OSBP2: variants seen among roughly 807,000 people sequenced by gnomAD.
OSBP2 encodes oxysterol-binding protein 2.
A neutral mutation model predicts 96.0 loss-of-function variants in OSBP2; 66 were observed. The observed-to-expected ratio is 0.69, with a 90% CI of 0.56 to 0.84. The LOEUF is 0.84. Ranked by LOEUF, OSBP2 falls within the 40% of genes least tolerant of loss-of-function variation. The pLI, the probability that OSBP2 is intolerant of heterozygous loss-of-function variation, is 0.00. For synonymous variants in OSBP2, 525 were observed against 520.9 expected, an observed-to-expected ratio of 1.01 and a Z score of -0.11; for missense variants, 1,038 against 1,222.7, an observed-to-expected ratio of 0.85 and a Z score of 2.25.
intron 1 of OSBP2, among the ~76,000 whole-genome samples, chr22:30,700,098 G>A (rs2089132560): frequency 6.6e-6 from 1 of 151,844 alleles, no homozygotes; most frequent in Non-Finnish European, 1.5e-5. Flanking sequence ...GAGTAGCTGG[G>A]ATTACAGAGG....
chr22:30,803,098 G>GGCGGCAGCA (rs1018258896), intron 2 of OSBP2: 8 of 210,742 alleles, frequency 3.8e-5, no homozygotes, highest in Non-Finnish European at 5.6e-5. Flanking sequence ...CGGCGGCGGC[G>GGCGGCAGCA]GCGGCAGCAG....
intron 2 of OSBP2, among the ~76,000 whole-genome samples, chr22:30,857,709 C>T (rs1450116180): frequency 1.3e-5 from 2 of 152,198 alleles, no homozygotes; most frequent in East Asian, 1.9e-4. Flanking sequence ...TAAGATGTTA[C>T]GTAATGACTG....
At chr22:30,800,705 T>A (rs2090839022) in intron 2 of OSBP2, among the ~76,000 whole-genome samples, 1 of 152,162 alleles carries the variant, frequency 6.6e-6, no homozygotes, top group African/African-American at 2.4e-5. Context: ...TCTTCCGGCC[T>A]TTGTGTGTGA....
At chr22:30,803,925 G>A (rs920203221) in intron 2 of OSBP2, among the ~76,000 whole-genome samples, 3 of 152,188 alleles carry the variant, frequency 2.0e-5, no homozygotes, top group African/African-American at 7.2e-5. Context: ...TGAGTAAGCA[G>A]TTCAGGGTCA....
Position 30,902,119 on chromosome 22 carries a change from A to C in OSBP2, c.2376-3718A>C, listed in dbSNP as rs753983282. 1.5e-4 allele frequency: 18 copies of C among 120,334 alleles called. No homozygotes were observed. The African/African-American group carries it at 1.6e-3, about 11-fold the overall frequency. The allele number at this position is 120,334 out of a possible 1,614,324, so 7.5% of individuals were successfully genotyped here. A position where few individuals can be genotyped will look rare whatever the true frequency, so the allele number is the denominator to read the frequency against. On this transcript the variant is annotated intron_variant, in intron 12 of 13. Transcript: ENST00000332585. ...AATCTTAGCAATATAAGAAAAAAAA[A>C]AAAAACGAAAAAAAAAAAACCAAAA...
chr22:30,822,213 G>T (rs781651626), intron 2 of OSBP2, among the ~76,000 whole-genome samples: 14 of 152,098 alleles, frequency 9.2e-5, no homozygotes, highest in Admixed American at 2.0e-4. Flanking sequence ...GCTCTCAAGG[G>T]CATCTTTGCC....
intron 1 of OSBP2, among the ~76,000 whole-genome samples, chr22:30,706,747 A>G (rs1034728193): frequency 3.3e-5 from 5 of 151,970 alleles, no homozygotes; most frequent in Non-Finnish European, 7.4e-5. Flanking sequence ...CCCCCTTTGC[A>G]AGCCACATGT....
At chr22:30,829,621 T>G (rs1261510398) in intron 2 of OSBP2, among the ~76,000 whole-genome samples, 2 of 152,210 alleles carry the variant, frequency 1.3e-5, no homozygotes, top group African/African-American at 2.4e-5. Flanking sequence ...CGCCGGGCCC[T>G]TACCTCTACT....
rs186614262 is a variant in OSBP2 at position 30,823,614 on chromosome 22, A to G, written c.854-46815A>G. Among the ~76,000 whole-genome samples the G allele has an allele frequency of 6.6e-5, 10 of 152,372 alleles. No individual in the cohort carries two copies. The South Asian group carries it at 1.0e-3, about 16-fold the overall frequency. On this transcript the variant is annotated intron_variant, in intron 2 of 13. Transcript: ENST00000332585. Reference sequence around the variant, plus strand: ...TAATGGCTTCATAAGACCTTGGTCCATTCCAGAGGACTTCGAAGTTGCAGG... The same window carrying G: ...TAATGGCTTCATAAGACCTTGGTCCGTTCCAGAGGACTTCGAAGTTGCAGG...
At chr22:30,802,899 C>G (rs2090872777) in intron 2 of OSBP2, among the ~76,000 whole-genome samples, 1 of 152,050 alleles carries the variant, frequency 6.6e-6, no homozygotes, top group Admixed American at 6.5e-5. Flanking sequence ...TCCTCTAGGT[C>G]CGGCTGCTCT....
intron 1 of OSBP2, among the ~76,000 whole-genome samples, chr22:30,716,100 G>A (rs531627045): frequency 1.3e-5 from 2 of 150,816 alleles, no homozygotes; most frequent in Non-Finnish European, 3.0e-5. Flanking sequence ...GGAGTGCAAT[G>A]GCATGGTCTC....
intron 2 of OSBP2, among the ~76,000 whole-genome samples, chr22:30,869,099 C>T (rs1227173948): frequency 1.3e-5 from 2 of 152,198 alleles, no homozygotes; most frequent in Admixed American, 1.3e-4. Flanking sequence ...TCCTGCCCCA[C>T]CTGCTGTGGT....
intron 2 of OSBP2, among the ~76,000 whole-genome samples, chr22:30,747,293 TG>T (rs761856260): frequency 2.6e-5 from 4 of 152,014 alleles, no homozygotes; most frequent in Non-Finnish European, 5.9e-5. Flanking sequence ...ACAGAGGTGG[TG>T]GTTGCACATT....
intron 3 of OSBP2, among the ~76,000 whole-genome samples, chr22:30,884,518 T>C (rs918540050): frequency 6.6e-6 from 1 of 152,150 alleles, no homozygotes; most frequent in African/African-American, 2.4e-5. Flanking sequence ...CCATTTCACA[T>C]CTCTGGGATG....
At chr22:30,780,812 T>C (rs2090508634) in intron 2 of OSBP2, among the ~76,000 whole-genome samples, 1 of 152,058 alleles carries the variant, frequency 6.6e-6, no homozygotes, top group South Asian at 2.1e-4. Flanking sequence ...ACTAAACTGT[T>C]TAAATTGAAC....
chr22:30,743,706 A>C (rs73400382), intron 2 of OSBP2, among the ~76,000 whole-genome samples: 7,546 of 152,126 alleles, frequency 0.05, 638 homozygotes, highest in African/African-American at 0.17. Context: ...TAAATGATAA[A>C]TTGCCTTATT....
At chr22:30,720,614 ACATCCATGACCTT>A (rs926698900) in intron 1 of OSBP2, among the ~76,000 whole-genome samples, 22 of 152,178 alleles carry the variant, frequency 1.4e-4, no homozygotes, top group African/African-American at 5.3e-4. Flanking sequence ...AAAACACTAC[ACATCCATGACCTT>A]CACTTTCCTT....
intron 2 of OSBP2, among the ~76,000 whole-genome samples, chr22:30,799,189 A>G (rs12172358): frequency 0.022 from 3,264 of 149,968 alleles, 49 homozygotes; most frequent in Non-Finnish European, 0.034. Flanking sequence ...AGCTCACTGC[A>G]GCCTCTGCCT....
At chr22:30,783,911 G>A (rs557165977) in intron 2 of OSBP2, among the ~76,000 whole-genome samples, 1 of 152,302 alleles carries the variant, frequency 6.6e-6, no homozygotes, top group Non-Finnish European at 1.5e-5. Context: ...TTGGGTCTGG[G>A]AAATGCCCAT....
Sources: gnomAD v4.1 joint callset for allele counts (sites outside exome capture counted in the v4.1 genomes callset) on GRCh38, gnomAD v4.1.1 for gene constraint, MANE v1.5 for transcripts, NCBI Gene and HGNC (gene_info 2026-07-23, HGNC 2026-07-21) for gene names.